Variants in MICU1 observed in about 807,000 individuals in gnomAD.
The protein encoded by MICU1 is mitochondrial calcium uptake 1, also known as calcium uptake protein 1, mitochondrial.
In MICU1, 45 loss-of-function variants were observed where a neutral mutation model predicts 56.8. The ratio of observed to expected loss-of-function variants is 0.79; its 90% CI spans 0.62 to 1.02. MICU1 has a LOEUF of 1.02. Among genes scored for constraint, MICU1 ranks in the 50% least tolerant of loss-of-function variants. The probability of loss-of-function intolerance (pLI) is 0.00; values close to 1 mark genes in which losing one functional copy is unlikely to be tolerated. For synonymous variants in MICU1, 186 were observed against 195.1 expected (o/e 0.95, Z 0.39); for missense variants, 504 against 587.1 (o/e 0.86, Z 1.46).
chr10:72,403,629 T>TTG (rs60373032), intron 10 of MICU1, among the ~76,000 whole-genome samples: 11,479 of 139,616 alleles, frequency 0.082, 517 homozygotes, highest in East Asian at 0.17. Context: ...CATACCAAAA[T>TTG]TGTGTGTGTG....
chr10:72,618,979 C>A (rs1842041484), intron 1 of MICU1, among the ~76,000 whole-genome samples: 1 of 152,154 alleles, frequency 6.6e-6, no homozygotes, highest in East Asian at 1.9e-4. Flanking sequence ...TCTCTCCTTT[C>A]AATGTCTTGA....
At chr10:72,590,533 G>A (rs1046533297) in intron 1 of MICU1, among the ~76,000 whole-genome samples, 5 of 152,082 alleles carry the variant, frequency 3.3e-5, no homozygotes, top group African/African-American at 7.2e-5. Flanking sequence ...AAGACAGGTC[G>A]GGTGCAGTGG....
intron 3 of MICU1, among the ~76,000 whole-genome samples, chr10:72,558,622 C>T (rs1190866625): frequency 1.3e-5 from 2 of 152,026 alleles, no homozygotes; most frequent in African/African-American, 4.8e-5. Flanking sequence ...AGAACCTTTG[C>T]CAAACTGTTG....
At chr10:72,498,539 T>A (rs1866925388) in intron 6 of MICU1, among the ~76,000 whole-genome samples, 2 of 152,034 alleles carry the variant, frequency 1.3e-5, no homozygotes. Context: ...TGACTTGAGA[T>A]AGCGCCATTG....
At chr10:72,441,357 T>G (rs1364800903) in intron 8 of MICU1, among the ~76,000 whole-genome samples, 2 of 143,396 alleles carry the variant, frequency 1.4e-5, no homozygotes, top group Non-Finnish European at 3.0e-5. Flanking sequence ...AACTGAACAA[T>G]GAGGTCACTT....
intron 9 of MICU1, among the ~76,000 whole-genome samples, chr10:72,420,231 T>C (rs1864113526): frequency 6.6e-6 from 1 of 152,154 alleles, no homozygotes; most frequent in Non-Finnish European, 1.5e-5. Context: ...GGCTAACTTT[T>C]TGTATTTTTA....
At chr10:72,496,187 G>A (rs935372102) in intron 6 of MICU1, among the ~76,000 whole-genome samples, 3 of 152,068 alleles carry the variant, frequency 2.0e-5, no homozygotes, top group African/African-American at 7.2e-5. Flanking sequence ...GAGTGCAGTG[G>A]CACAATCTCG....
intron 6 of MICU1, 123 bp from the exon 7 acceptor site, chr10:72,477,379 A>G: frequency 8.5e-7 from 1 of 1,171,400 alleles, no homozygotes; most frequent in Non-Finnish European, 1.2e-6. Context: ...TGACTGAGTC[A>G]AAGTCTCAAT....
chr10:72,410,726 T>C (rs867511887), intron 9 of MICU1, among the ~76,000 whole-genome samples: 1 of 152,224 alleles, frequency 6.6e-6, no homozygotes, highest in African/African-American at 2.4e-5. Flanking sequence ...CTATATTATA[T>C]GCTTTTTCCC....
chr10:72,466,176 T>G (rs1376404431), intron 8 of MICU1, among the ~76,000 whole-genome samples: 1 of 152,194 alleles, frequency 6.6e-6, no homozygotes, highest in Non-Finnish European at 1.5e-5. Context: ...ACAGTCGATC[T>G]GGTAACAGAA....
intron 3 of MICU1, among the ~76,000 whole-genome samples, chr10:72,557,280 T>C (rs1840182563): frequency 6.6e-6 from 1 of 152,122 alleles, no homozygotes; most frequent in South Asian, 2.1e-4. Context: ...GTACTCAAGT[T>C]CAAGGCAGCC....
chr10:72,516,192 A>G (rs1867639675), intron 5 of MICU1, among the ~76,000 whole-genome samples: 1 of 152,186 alleles, frequency 6.6e-6, no homozygotes, highest in Non-Finnish European at 1.5e-5. Flanking sequence ...ATGACCAGTG[A>G]TGACGAGCTT....
intron 5 of MICU1, chr10:72,524,770 A>G: frequency 2.4e-6 from 3 of 1,229,136 alleles, no homozygotes; most frequent in Non-Finnish European, 3.0e-6. Context: ...GAGAAAAAGA[A>G]AAAACATTGA....
At chr10:72,568,928 T>A (rs949353404) in intron 1 of MICU1, among the ~76,000 whole-genome samples, 14 of 150,378 alleles carry the variant, frequency 9.3e-5, no homozygotes, top group Non-Finnish European at 3.0e-5. Context: ...TAATTTTTGT[T>A]TTTTTAGTAG....
intron 1 of MICU1, among the ~76,000 whole-genome samples, chr10:72,581,471 T>C (rs772945871): frequency 8.6e-5 from 13 of 152,022 alleles, no homozygotes; most frequent in East Asian, 1.9e-4. Context: ...TCTACTGAAG[T>C]ACAAAAATTA....
chr10:72,436,348 A>C (rs997056135), intron 8 of MICU1, among the ~76,000 whole-genome samples: 2 of 152,240 alleles, frequency 1.3e-5, no homozygotes, highest in African/African-American at 4.8e-5. Flanking sequence ...AAACTAACAA[A>C]CAGAAAGGAA....
intron 8 of MICU1, among the ~76,000 whole-genome samples, chr10:72,467,026 T>G (rs1245384587): frequency 6.6e-6 from 1 of 152,116 alleles, no homozygotes; most frequent in African/African-American, 2.4e-5. Flanking sequence ...TGAGACGAAG[T>G]CTCACTCTGT....
At position 72,477,158 on chromosome 10, in the gene MICU1, C is replaced by G. The variant is rs546159317; in HGVS notation, c.735+16G>C. ...AAATATTAATGTATTTAGAGGAACT[C>G]TCCAGGACAACTTGCCTGTTCAAAT... On this transcript the variant is annotated intron_variant, in intron 7 of 11. Coordinates refer to ENST00000361114, the MANE Select transcript of MICU1 (RefSeq NM_001195518.2). 3 of 1,528,656 alleles carry G rather than the reference C, an allele frequency of 2.0e-6. No individual in the cohort carries two copies. In the South Asian group the frequency reaches 3.7e-5, roughly 19 times the overall value. 94.7% of individuals were successfully genotyped at this position (1,528,656 alleles called of 1,614,324 possible).
At chr10:72,406,247 A>AAAAT (rs1214802298) in intron 10 of MICU1, among the ~76,000 whole-genome samples, 15 of 152,140 alleles carry the variant, frequency 9.9e-5, no homozygotes, top group African/African-American at 3.1e-4. Flanking sequence ...CGAAAACCAT[A>AAAAT]AAATACTTAA....
Sources: gnomAD v4.1 joint callset for allele counts (sites outside exome capture counted in the v4.1 genomes callset) on GRCh38, gnomAD v4.1.1 for gene constraint, MANE v1.5 for transcripts, NCBI Gene and HGNC (gene_info 2026-07-23, HGNC 2026-07-21) for gene names.